SS18: variants seen among roughly 807,000 people sequenced by gnomAD.
SS18 encodes SS18 subunit of BAF chromatin remodeling complex, also known as protein SSXT.
In SS18, 28 loss-of-function variants were observed where a neutral mutation model predicts 72.5. That is an observed-to-expected ratio of 0.39 (90% CI 0.29 to 0.53). SS18 has a LOEUF of 0.53. Among genes scored for constraint, SS18 ranks in the 20% least tolerant of loss-of-function variants. The probability of loss-of-function intolerance (pLI) is 0.76; values close to 1 mark genes in which losing one functional copy is unlikely to be tolerated. For missense variants in SS18, 518 were observed against 535.3 expected (o/e 0.97, Z 0.32); for synonymous variants, 172 against 164.2 (o/e 1.05, Z -0.37).
intron 2 of SS18, among the ~76,000 whole-genome samples, chr18:26,079,764 A>G (rs1440007672): frequency 6.6e-6 from 1 of 152,002 alleles, no homozygotes; most frequent in Non-Finnish European, 1.5e-5. Context: ...TGCATTTTTA[A>G]TAGACAGGGT....
At chr18:26,069,806 T>C (rs1167639605) in intron 3 of SS18, among the ~76,000 whole-genome samples, 2 of 152,236 alleles carry the variant, frequency 1.3e-5, no homozygotes, top group Admixed American at 6.5e-5. Context: ...TTGAATGAAA[T>C]TGTTCTCTCA....
At chr18:26,032,636 C>CTTT in intron 9 of SS18, 104 bp from the exon 10 acceptor site, 1 of 1,314,656 alleles carries the variant, frequency 7.6e-7, no homozygotes, top group Non-Finnish European at 1.0e-6. Flanking sequence ...TCTATCTAAG[C>CTTT]TAAAAAAAGA....
chr18:26,079,194 ATTAACT>A (rs1397279375), intron 2 of SS18: 1 of 152,256 alleles, frequency 6.6e-6, no homozygotes, highest in Admixed American at 6.5e-5. Flanking sequence ...AACACTCAAG[ATTAACT>A]TTAAGAAAAT....
chr18:26,050,935 A>AATAAATAAAC (rs1409695030), intron 5 of SS18, among the ~76,000 whole-genome samples: 4 of 152,086 alleles, frequency 2.6e-5, no homozygotes, highest in African/African-American at 9.7e-5. Context: ...TAAATAAACA[A>AATAAATAAAC]ATAAAAATTT....
intron 5 of SS18, among the ~76,000 whole-genome samples, chr18:26,049,808 G>A (rs189475155): frequency 1.5e-4 from 23 of 152,240 alleles, no homozygotes; most frequent in East Asian, 3.9e-4. Context: ...GGGCACCAAC[G>A]CCCAGCCAGA....
At chr18:26,021,252 G>A (rs2053344936) in intron 10 of SS18, among the ~76,000 whole-genome samples, 1 of 152,170 alleles carries the variant, frequency 6.6e-6, no homozygotes, top group African/African-American at 2.4e-5. Context: ...TTATCCTTGG[G>A]CAAGTTGCTT....
chr18:26,074,856 G>A (rs1215595150), intron 3 of SS18, among the ~76,000 whole-genome samples: 1 of 151,788 alleles, frequency 6.6e-6, no homozygotes, highest in East Asian at 1.9e-4. Flanking sequence ...TGGCAAGAAT[G>A]ATCAAAAAAT....
At chr18:26,068,195 A>T (rs1444384882) in intron 3 of SS18, 1 of 152,182 alleles carries the variant, frequency 6.6e-6, no homozygotes, top group African/African-American at 2.4e-5. Context: ...AACACTGAAA[A>T]CATTATTAAA....
At chr18:26,049,566 G>A (rs1180710641) in intron 5 of SS18, among the ~76,000 whole-genome samples, 1 of 152,170 alleles carries the variant, frequency 6.6e-6, no homozygotes, top group Non-Finnish European at 1.5e-5. Flanking sequence ...AAGCTGGAGT[G>A]CAGTGACACC....
At chr18:26,090,699 G>A (rs1405156011), upstream of SS18, 7 of 984,484 alleles carry the variant, frequency 7.1e-6, no homozygotes, top group African/African-American at 3.2e-5. Flanking sequence ...GGGGCCAAGC[G>A]GACGGGCGGC....
chr18:26,087,601 T>C (rs2054638578), intron 1 of SS18, 24 bp from the exon 2 acceptor site: 1 of 1,438,482 alleles, frequency 7.0e-7, no homozygotes, highest in Non-Finnish European at 9.7e-7. Context: ...AGAAAAGGTT[T>C]AGCATAAAAC....
chr18:26,083,490 A>G (rs571619679), intron 2 of SS18, among the ~76,000 whole-genome samples: 2 of 152,118 alleles, frequency 1.3e-5, no homozygotes, highest in Non-Finnish European at 2.9e-5. Context: ...ACTCACACAA[A>G]CCTAGATGGT....
At chr18:26,090,953 A>T (rs927262014), upstream of SS18, 26 of 294,824 alleles carry the variant, frequency 8.8e-5, no homozygotes, top group Non-Finnish European at 1.6e-4. Context: ...CTGTCACAGG[A>T]AATGCGAGCG....
At chr18:26,072,000 G>T (rs768803754) in intron 3 of SS18, among the ~76,000 whole-genome samples, 5 of 152,074 alleles carry the variant, frequency 3.3e-5, no homozygotes, top group Non-Finnish European at 7.4e-5. Flanking sequence ...GGTCATAAAT[G>T]AAAGGAGGAA....
rs558788852 is a variant in SS18, at chr18:26,054,621, T to C, written c.386-1776A>G. On this transcript the variant is annotated intron_variant, in intron 4 of 10. Coordinates refer to ENST00000415083, the MANE Select transcript of SS18 (RefSeq NM_001007559.3). ...ATAAAATAATGGTCTCCAAGATATA[T>C]CTTTGAGAAAGAAAAGATACATAAT... Among the ~76,000 whole-genome samples the C allele has an allele frequency of 2.0e-5, 3 of 152,124 alleles. No homozygotes were observed. In the East Asian group the frequency reaches 5.8e-4, roughly 29 times the overall value.
chr18:26,038,766 C>T lies in SS18; in HGVS notation c.776-107G>A, dbSNP rs114077471. 645 of 1,055,162 alleles carry T rather than the reference C, an allele frequency of 6.1e-4. 4 individuals are homozygous for T. The African/African-American group carries it at 8.6e-3, about 14-fold the overall frequency. 65.4% of individuals were successfully genotyped at this position (1,055,162 alleles called of 1,614,324 possible). A position where few individuals can be genotyped will look rare whatever the true frequency, so the allele number is the denominator to read the frequency against. On this transcript the variant is annotated intron_variant, in intron 6 of 10. Coordinates refer to ENST00000415083, the MANE Select transcript of SS18 (RefSeq NM_001007559.3). Reference sequence around the variant, plus strand: ...AAGATTATTTCTCAACTATAGATTCCCATCTCATAATTTGGCATTTCAGAT... The same window carrying T: ...AAGATTATTTCTCAACTATAGATTCTCATCTCATAATTTGGCATTTCAGAT...
At chr18:26,036,659 G>A (rs2143864633) in intron 7 of SS18, among the ~76,000 whole-genome samples, 1 of 152,028 alleles carries the variant, frequency 6.6e-6, no homozygotes, top group South Asian at 2.1e-4. Context: ...GAAAATGTAG[G>A]AAATAACCTT....
chr18:26,062,029 G>C (rs552833945), intron 3 of SS18, among the ~76,000 whole-genome samples: 1 of 152,294 alleles, frequency 6.6e-6, no homozygotes, highest in East Asian at 1.9e-4. Context: ...GGAAGGCCGA[G>C]GTGGGGGAAT....
chr18:26,052,185 A>ATAG (rs1231219866), intron 5 of SS18, among the ~76,000 whole-genome samples: 1 of 152,238 alleles, frequency 6.6e-6, no homozygotes, highest in Non-Finnish European at 1.5e-5. Context: ...TCCACTGAAC[A>ATAG]TTCTAATGGC....
Sources: gnomAD v4.1 joint callset for allele counts (sites outside exome capture counted in the v4.1 genomes callset) on GRCh38, gnomAD v4.1.1 for gene constraint, MANE v1.5 for transcripts, NCBI Gene and HGNC (gene_info 2026-07-23, HGNC 2026-07-21) for gene names.